The following TENM1 variants were observed in gnomAD, a reference collection of about 807,000 sequenced individuals.
TENM1 encodes teneurin-1.
Under a neutral mutation model 174.8 loss-of-function variants are expected in TENM1, and 35 were observed. The observed-to-expected ratio is 0.20, with a 90% CI of 0.15 to 0.27. The LOEUF (loss-of-function observed/expected upper bound fraction) is 0.27. Ranked by LOEUF, TENM1 falls within the 10% of genes least tolerant of loss-of-function variation. The probability of loss-of-function intolerance (pLI) is 1.00; values close to 1 mark genes in which losing one functional copy is unlikely to be tolerated. For missense variants in TENM1, 1,633 were observed against 2,130.1 expected, an observed-to-expected ratio of 0.77 and a Z score of 4.59; for synonymous variants, 781 against 798.7, an observed-to-expected ratio of 0.98 and a Z score of 0.37.
the TENM1 span, among the ~76,000 whole-genome samples, chrX:125,069,756 TTAAAA>T: frequency 0.011 from 1,242 of 111,227 alleles, 12 homozygotes; most frequent in African/African-American, 0.038. Flanking sequence ...ATCCCAGAAC[TTAAAA>T]TAAAATAAAA....
chrX:124,385,699 G>A (rs1365409805), exon 29 of TENM1: 3 of 1,199,186 alleles, frequency 2.5e-6, no homozygotes, highest in Non-Finnish European at 3.4e-6. Flanking sequence ...ATCTGATTGT[G>A]CAGATGAATC....
intron 11 of TENM1, among the ~76,000 whole-genome samples, chrX:124,583,653 C>T (rs1379627210): frequency 8.9e-6 from 1 of 112,079 alleles, no homozygotes; most frequent in Non-Finnish European, 1.9e-5. Flanking sequence ...AGGAATGCAG[C>T]TCCTCACCAG....
chrX:124,425,778 G>A (rs1220598043), intron 23 of TENM1, among the ~76,000 whole-genome samples: 5 of 111,582 alleles, frequency 4.5e-5, no homozygotes, highest in African/African-American at 1.6e-4. Context: ...TTAAGTAGGG[G>A]TGTGAGATAG....
the TENM1 span, among the ~76,000 whole-genome samples, chrX:124,977,965 TGTGAGAGAGAGAGAGAGA>T: frequency 8.5e-3 from 125 of 14,632 alleles, no homozygotes; most frequent in African/African-American, 0.02. Context: ...TGTGTGTGTG[TGTGAGAGAGAGAGAGAGA>T]GAGAGAGAGA....
chrX:125,076,559 T>G, the TENM1 span, among the ~76,000 whole-genome samples: 2 of 111,264 alleles, frequency 1.8e-5, no homozygotes, highest in Non-Finnish European at 3.8e-5. Flanking sequence ...CTGCTACTAT[T>G]GTGCTGTGTG....
In TENM1 at chrX:124,391,950, A is replaced by G. The variant is rs756032297; in HGVS notation, c.5688+102T>C. 13 of 649,696 alleles carry G rather than the reference A, an allele frequency of 2.0e-5. No individual in the cohort carries two copies. In the African/African-American group the frequency reaches 2.2e-4, roughly 11 times the overall value. 53.5% of individuals were successfully genotyped at this position (649,696 alleles called of 1,213,427 possible). A position where few individuals can be genotyped will look rare whatever the true frequency, so the allele number is the denominator to read the frequency against. ...CTACAGAACAGAACAGCTGGAACAC[A>G]GACTTTTCTCCTGCAGGTCCTCACC... On this transcript the variant is annotated intron_variant, in intron 28 of 31. Transcript: ENST00000422452.
At chrX:124,674,958 T>C (rs1170931433) in intron 5 of TENM1, among the ~76,000 whole-genome samples, 1 of 111,614 alleles carries the variant, frequency 9.0e-6, no homozygotes, top group African/African-American at 3.2e-5. Context: ...TTGAGCCACT[T>C]TCCTGGCGGC....
chrX:125,170,335 C>A, the TENM1 span, among the ~76,000 whole-genome samples: 1 of 111,282 alleles, frequency 9.0e-6, no homozygotes, highest in Admixed American at 9.5e-5. Context: ...AAAAGTGCAC[C>A]AGAAAGAGAA....
At chrX:124,847,307 C>T (rs1275098257) in intron 3 of TENM1, among the ~76,000 whole-genome samples, 1 of 111,691 alleles carries the variant, frequency 9.0e-6, no homozygotes, top group Non-Finnish European at 1.9e-5. Flanking sequence ...TAATAATTTA[C>T]TTCTAAACGT....
chrX:124,953,679 A>G (rs559794868), intron 1 of TENM1, among the ~76,000 whole-genome samples: 2 of 111,935 alleles, frequency 1.8e-5, no homozygotes, highest in African/African-American at 6.5e-5. Context: ...CCCAAAAACC[A>G]GTTGCTTTGT....
intron 3 of TENM1, among the ~76,000 whole-genome samples, chrX:124,773,656 T>G (rs2054713305): frequency 9.0e-6 from 1 of 111,078 alleles, no homozygotes; most frequent in Non-Finnish European, 1.9e-5. Context: ...TAGGAGGTGA[T>G]GACTTTGGTC....
chrX:125,080,431 T>G, the TENM1 span, among the ~76,000 whole-genome samples: 1 of 110,923 alleles, frequency 9.0e-6, no homozygotes, highest in Non-Finnish European at 1.9e-5. Context: ...CAACCTTTGT[T>G]ACTATAATCA....
the TENM1 span, among the ~76,000 whole-genome samples, chrX:124,973,882 C>G: frequency 8.9e-6 from 1 of 111,848 alleles, no homozygotes; most frequent in African/African-American, 3.3e-5. Flanking sequence ...ACTGCGTGTT[C>G]TCACTCATAA....
rs147670131 is a variant in TENM1, at chrX:124,417,344, C to T, written c.4982+2967G>A. On this transcript the variant is annotated intron_variant, in intron 25 of 31. Transcript: ENST00000422452. ...CCTGCCTCAGGCCTCCCAAGTAGCT[C>T]GGATTACAGGTACCCGCCACCACAC... Among the ~76,000 whole-genome samples, 650 of 110,629 alleles carry T rather than the reference C, an allele frequency of 5.9e-3. 3 individuals are homozygous for T. Among genetic ancestry groups the T allele is most frequent in the African/African-American group, 0.02 (609 of 30,393 alleles).
At chrX:124,466,617 A>T (rs1401019497) in intron 22 of TENM1, among the ~76,000 whole-genome samples, 1 of 112,142 alleles carries the variant, frequency 8.9e-6, no homozygotes, top group Non-Finnish European at 1.9e-5. Context: ...TCGTAAGAAA[A>T]GTACAACGGA....
At chrX:125,001,925 T>TCACACACACACA in the TENM1 span, among the ~76,000 whole-genome samples, 123 of 67,245 alleles carry the variant, frequency 1.8e-3, no homozygotes, top group African/African-American at 6.3e-3. Flanking sequence ...TCTAGAGAGA[T>TCACACACACACA]CACACACACA....
the TENM1 span, among the ~76,000 whole-genome samples, chrX:125,145,871 C>T: frequency 2.7e-5 from 3 of 111,739 alleles, no homozygotes; most frequent in Non-Finnish European, 5.6e-5. Flanking sequence ...TTCAGGAAAC[C>T]GTGATAGTAA....
chrX:124,407,061 C>T (rs2060470974), intron 25 of TENM1, among the ~76,000 whole-genome samples: 1 of 111,402 alleles, frequency 9.0e-6, no homozygotes, highest in South Asian at 3.8e-4. Flanking sequence ...TTCTGGAGCC[C>T]TCTGATCTTG....
rs1193004422 is a variant in TENM1 at position 124,900,540 on chromosome X, T to C, written c.218-4299A>G. Among the ~76,000 whole-genome samples the C allele has an allele frequency of 4.5e-5, 5 of 111,628 alleles. No homozygotes were observed. The Admixed American group carries it at 4.8e-4, about 11-fold the overall frequency. Reference sequence around the variant, plus strand: ...AAGTATACGTAGTAAGTGTAGTTTATTATACTTCAATTATACCCCTACAAA... The same window carrying C: ...AAGTATACGTAGTAAGTGTAGTTTACTATACTTCAATTATACCCCTACAAA... On this transcript the variant is annotated intron_variant, in intron 1 of 31. Transcript: ENST00000422452.
Sources: allele counts gnomAD v4.1 joint callset (sites outside exome capture counted in the v4.1 genomes callset), GRCh38; gene constraint gnomAD v4.1.1; transcripts MANE v1.5; gene names NCBI Gene and HGNC (gene_info 2026-07-23, HGNC 2026-07-21).